The following PHGDH variants were observed in gnomAD, a reference collection of about 807,000 sequenced individuals.
PHGDH encodes phosphoglycerate dehydrogenase, also known as D-3-phosphoglycerate dehydrogenase.
Under a neutral mutation model 52.6 loss-of-function variants are expected in PHGDH, and 50 were observed. That is an observed-to-expected ratio of 0.95 (90% CI 0.76 to 1.20). PHGDH has a LOEUF of 1.20. Ranked by LOEUF, PHGDH falls within the 50% of genes most tolerant of loss-of-function variation. The probability of loss-of-function intolerance (pLI) is 0.00; values close to 1 mark genes in which losing one functional copy is unlikely to be tolerated. For missense variants in PHGDH, 630 were observed against 684.6 expected (o/e 0.92, Z 0.89); for synonymous variants, 271 against 280.5 (o/e 0.97, Z 0.34).
chr1:119,737,375 G>A (rs938564844), intron 8 of PHGDH, 109 bp downstream of exon 8: 19 of 980,354 alleles, frequency 1.9e-5, no homozygotes, highest in Admixed American at 1.3e-4. Flanking sequence ...AGCCCTGGGA[G>A]CTGAAGATAA....
chr1:119,726,086 T>A (rs1651395965), intron 3 of PHGDH, among the ~76,000 whole-genome samples: 1 of 152,140 alleles, frequency 6.6e-6, no homozygotes, highest in African/African-American at 2.4e-5. Context: ...CCTCTAATGT[T>A]GCCCTAATTG....
At chr1:119,737,644 C>T (rs1028788278) in intron 8 of PHGDH, among the ~76,000 whole-genome samples, 3 of 152,068 alleles carry the variant, frequency 2.0e-5, no homozygotes, top group Non-Finnish European at 4.4e-5. Context: ...TGGTTGGGGA[C>T]GGCCATGTAG....
chr1:119,733,620 G>A (rs1274971816), intron 5 of PHGDH, among the ~76,000 whole-genome samples: 1 of 152,086 alleles, frequency 6.6e-6, no homozygotes, highest in Admixed American at 6.5e-5. Flanking sequence ...ATAGGTGTGA[G>A]CAATGGCACC....
rs1652239936 is a variant in PHGDH, at chr1:119,742,196, TGCCAG to T, written c.1209+304_1209+308del. The stretch of plus-strand genomic sequence containing the variant: ...TGTGTTTGACTCTGCCCGACATGGC[TGCCAG>T]GCCATGTTTGACTCTGCCTAACTCC... On this transcript the variant is annotated intron_variant, in intron 10 of 11. Coordinates refer to ENST00000641023, the MANE Select transcript of PHGDH (RefSeq NM_006623.4). 7 of 446,312 alleles carry T rather than the reference TGCCAG, an allele frequency of 1.6e-5. No individual in the cohort carries two copies. In the East Asian group the frequency reaches 3.3e-4, roughly 21 times the overall value. 27.6% of individuals were successfully genotyped at this position (446,312 alleles called of 1,614,324 possible). A position where few individuals can be genotyped will look rare whatever the true frequency, so the allele number is the denominator to read the frequency against.
At chr1:119,738,404 A>T (rs1043268406) in intron 8 of PHGDH, among the ~76,000 whole-genome samples, 2 of 152,226 alleles carry the variant, frequency 1.3e-5, no homozygotes, top group Admixed American at 6.5e-5. Flanking sequence ...CAGTCCATGG[A>T]AGTCAGCAGG....
chr1:119,717,459 T>A (rs1169990211), intron 1 of PHGDH, among the ~76,000 whole-genome samples: 1 of 152,104 alleles, frequency 6.6e-6, no homozygotes, highest in Non-Finnish European at 1.5e-5. Context: ...GTGCCTTGCT[T>A]ATGAAAGGTT....
chr1:119,719,180 AGTCAGCACTGAGGTG>A (rs1418268095), intron 1 of PHGDH, among the ~76,000 whole-genome samples: 2 of 152,284 alleles, frequency 1.3e-5, no homozygotes, highest in African/African-American at 4.8e-5. Context: ...GCACTGGGGC[AGTCAGCACTGAGGTG>A]GCTTCTGTTT....
At chr1:119,741,067 G>T (rs1283532464) in intron 9 of PHGDH, among the ~76,000 whole-genome samples, 1 of 152,226 alleles carries the variant, frequency 6.6e-6, no homozygotes, top group Non-Finnish European at 1.5e-5. Context: ...GTGGGAATGA[G>T]AACAGTGCCC....
chr1:119,728,999 C>A (rs1170202394), intron 5 of PHGDH, among the ~76,000 whole-genome samples: 1 of 152,196 alleles, frequency 6.6e-6, no homozygotes, highest in Non-Finnish European at 1.5e-5. Flanking sequence ...CCTAAGGACT[C>A]ATAGCAAATG....
chr1:119,722,650 G>T (rs143257075), intron 2 of PHGDH, among the ~76,000 whole-genome samples: 5,905 of 151,926 alleles, frequency 0.039, 167 homozygotes, highest in African/African-American at 0.07. Context: ...GGAAGGCCAA[G>T]GTGGGAGGAT....
intron 7 of PHGDH, among the ~76,000 whole-genome samples, chr1:119,736,602 G>A (rs1248449089): frequency 6.6e-6 from 1 of 152,236 alleles, no homozygotes; most frequent in Non-Finnish European, 1.5e-5. Context: ...GAGCCAAGAT[G>A]CAGTTACCTG....
chr1:119,717,515 T>C (rs1006321455), intron 1 of PHGDH, among the ~76,000 whole-genome samples: 2 of 152,204 alleles, frequency 1.3e-5, no homozygotes, highest in South Asian at 4.1e-4. Context: ...TTTCTTTTAA[T>C]GCTTATATTT....
intron 8 of PHGDH, 47 bp downstream of exon 8, chr1:119,737,313 G>A: frequency 1.9e-6 from 3 of 1,548,036 alleles, no homozygotes; most frequent in South Asian, 1.1e-5. Context: ...AGAGGGAGGA[G>A]AGGAAGGAAG....
At chr1:119,742,519 C>T (rs1376460114) in intron 10 of PHGDH, 20 of 561,610 alleles carry the variant, frequency 3.6e-5, no homozygotes, top group Non-Finnish European at 5.8e-5. Context: ...AGTCTCCTCA[C>T]AGCCCTGCCT....
chr1:119,726,784 G>A, intron 3 of PHGDH, 67 bp from the exon 4 acceptor site: 2 of 1,309,932 alleles, frequency 1.5e-6, no homozygotes, highest in East Asian at 2.3e-5. Context: ...CAAACCTGAT[G>A]TTGCATCTCC....
At chr1:119,727,459 G>T (rs1036758796) in intron 5 of PHGDH, 7 of 346,648 alleles carry the variant, frequency 2.0e-5, no homozygotes, top group Admixed American at 4.2e-5. Flanking sequence ...AAAGGAAAAA[G>T]AATATTTTGA....
intron 5 of PHGDH, among the ~76,000 whole-genome samples, chr1:119,730,442 C>T (rs761562973): frequency 6.6e-6 from 1 of 152,220 alleles, no homozygotes; most frequent in Non-Finnish European, 1.5e-5. Flanking sequence ...ACCCTAGTCT[C>T]CTCACGGTAA....
intron 8 of PHGDH, chr1:119,740,091 T>A (rs762958312): frequency 9.2e-6 from 4 of 433,288 alleles, no homozygotes; most frequent in East Asian, 4.8e-5. Context: ...CCTTCCCCAG[T>A]GCAGAAACAA....
chr1:119,717,486 T>C (rs1416537445), intron 1 of PHGDH, among the ~76,000 whole-genome samples: 1 of 152,158 alleles, frequency 6.6e-6, no homozygotes, highest in African/African-American at 2.4e-5. Context: ...ATCCGAGTCA[T>C]AAAAATATCC....
Sources: gnomAD v4.1 joint callset for allele counts (sites outside exome capture counted in the v4.1 genomes callset) on GRCh38, gnomAD v4.1.1 for gene constraint, MANE v1.5 for transcripts, NCBI Gene and HGNC (gene_info 2026-07-23, HGNC 2026-07-21) for gene names.